The following ADIPOR2 variants were observed in gnomAD, a reference collection of about 807,000 sequenced individuals.
ADIPOR2 encodes adiponectin receptor 2, also known as adiponectin receptor protein 2.
In ADIPOR2, 18 loss-of-function variants were observed where a neutral mutation model predicts 40.9. The ratio of observed to expected loss-of-function variants is 0.44; its 90% CI spans 0.30 to 0.65. ADIPOR2 has a LOEUF of 0.65. Among genes scored for constraint, ADIPOR2 ranks in the 30% least tolerant of loss-of-function variants. The pLI is 0.09. For missense variants in ADIPOR2, 283 were observed against 479.2 expected, an observed-to-expected ratio of 0.59 and a Z score of 3.82; for synonymous variants, 165 against 166.4, an observed-to-expected ratio of 0.99 and a Z score of 0.06.
At chr12:1,748,490 T>C (rs200329357) in intron 1 of ADIPOR2, among the ~76,000 whole-genome samples, 214 of 152,138 alleles carry the variant, frequency 1.4e-3, no homozygotes, top group Admixed American at 2.0e-3. Context: ...CCTTGTGATC[T>C]GCCCACCTCG....
rs537681898 is a variant in ADIPOR2, at chr12:1,728,148, T to C, written c.-86-26110T>C. On this transcript the variant is annotated intron_variant, in intron 1 of 7. Transcript: ENST00000357103. ...TTTTTCTGAGATGAAGTCTCGCTCT[T>C]GTCCCCCAGGCTGGAGTGCAGTGGC... Among the ~76,000 whole-genome samples, 15 of 151,916 alleles carry C rather than the reference T, an allele frequency of 9.9e-5. No homozygotes were observed. The East Asian group carries it at 2.0e-3, about 20-fold the overall frequency.
intron 7 of ADIPOR2, among the ~76,000 whole-genome samples, chr12:1,784,541 A>G (rs1721285438): frequency 6.6e-6 from 1 of 152,184 alleles, no homozygotes; most frequent in South Asian, 2.1e-4. Flanking sequence ...AGGATGATAG[A>G]CCAGATTTTC....
chr12:1,698,915 G>A (rs1418691678), intron 1 of ADIPOR2, among the ~76,000 whole-genome samples: 4 of 152,124 alleles, frequency 2.6e-5, no homozygotes. Context: ...AGCATTTGCA[G>A]TATATTCTAT....
At chr12:1,697,357 C>T (rs1217822842) in intron 1 of ADIPOR2, 1 of 152,372 alleles carries the variant, frequency 6.6e-6, no homozygotes, top group Non-Finnish European at 1.5e-5. Flanking sequence ...TCACTTTATC[C>T]TCAGATTCTG....
chr12:1,711,803 T>C (rs1259439886), intron 1 of ADIPOR2, among the ~76,000 whole-genome samples: 7 of 152,108 alleles, frequency 4.6e-5, no homozygotes, highest in African/African-American at 9.7e-5. Flanking sequence ...CTTTCAGCAG[T>C]GTAAGACTGC....
chr12:1,747,899 G>C (rs1171781929), intron 1 of ADIPOR2, among the ~76,000 whole-genome samples: 2 of 152,088 alleles, frequency 1.3e-5, no homozygotes, highest in Admixed American at 6.5e-5. Context: ...GCATCTGTCT[G>C]GATGTCCTTG....
At chr12:1,723,059 C>G (rs959229337) in intron 1 of ADIPOR2, among the ~76,000 whole-genome samples, 1 of 152,002 alleles carries the variant, frequency 6.6e-6, no homozygotes, top group Non-Finnish European at 1.5e-5. Flanking sequence ...TTAAAATGCC[C>G]CATTATGTCT....
At chr12:1,779,269 A>G (rs1474264439) in intron 4 of ADIPOR2, among the ~76,000 whole-genome samples, 1 of 152,274 alleles carries the variant, frequency 6.6e-6, no homozygotes, top group Non-Finnish European at 1.5e-5. Flanking sequence ...GAAGCAACCC[A>G]GATGTCTATC....
At chr12:1,771,686 G>A (rs1378181807) in intron 2 of ADIPOR2, among the ~76,000 whole-genome samples, 1 of 152,170 alleles carries the variant, frequency 6.6e-6, no homozygotes, top group Non-Finnish European at 1.5e-5. Context: ...TAAAATCTCA[G>A]AATTTCCTTT....
chr12:1,693,867 T>C (rs960692324), intron 1 of ADIPOR2, among the ~76,000 whole-genome samples: 10 of 152,158 alleles, frequency 6.6e-5, no homozygotes, highest in African/African-American at 2.4e-4. Context: ...ATTTCATTAT[T>C]TGTATTTGGA....
intron 1 of ADIPOR2, among the ~76,000 whole-genome samples, chr12:1,713,305 G>A (rs1032012854): frequency 1.3e-5 from 2 of 152,114 alleles, no homozygotes; most frequent in African/African-American, 2.4e-5. Context: ...AGGAATTACT[G>A]CTTCATTGAT....
chr12:1,722,020 AGG>A (rs912957500), intron 1 of ADIPOR2, among the ~76,000 whole-genome samples: 1 of 152,202 alleles, frequency 6.6e-6, no homozygotes, highest in Non-Finnish European at 1.5e-5. Flanking sequence ...GGGCTGTAGC[AGG>A]GGGAACGCCT....
chr12:1,726,198 G>A (rs2094707617), intron 1 of ADIPOR2, among the ~76,000 whole-genome samples: 1 of 151,918 alleles, frequency 6.6e-6, no homozygotes, highest in Non-Finnish European at 1.5e-5. Flanking sequence ...CAATAGAGTT[G>A]GGATTTTTTT....
chr12:1,769,912 C>T (rs1047194453), intron 2 of ADIPOR2, among the ~76,000 whole-genome samples: 1 of 149,094 alleles, frequency 6.7e-6, no homozygotes, highest in Non-Finnish European at 1.5e-5. Flanking sequence ...TTTATCTTTA[C>T]TAAAGTAATT....
At chr12:1,761,059 A>ACTTTATT (rs1363068289) in intron 2 of ADIPOR2, 4 of 152,184 alleles carry the variant, frequency 2.6e-5, no homozygotes, top group African/African-American at 9.7e-5. Flanking sequence ...ATATTGTTAT[A>ACTTTATT]ATTGTTCTAT....
chr12:1,724,234 G>A (rs2094703454), intron 1 of ADIPOR2, among the ~76,000 whole-genome samples: 1 of 152,140 alleles, frequency 6.6e-6, no homozygotes. Flanking sequence ...ACCTGCCTTG[G>A]CCTCCCAAAG....
intron 1 of ADIPOR2, among the ~76,000 whole-genome samples, chr12:1,726,047 C>G (rs2154442329): frequency 6.6e-6 from 1 of 152,250 alleles, no homozygotes; most frequent in South Asian, 2.1e-4. Context: ...TGTTAGATTT[C>G]TAGACCAGAA....
intron 1 of ADIPOR2, among the ~76,000 whole-genome samples, chr12:1,727,282 G>C (rs1026318294): frequency 5.3e-5 from 8 of 152,116 alleles, no homozygotes; most frequent in Admixed American, 5.2e-4. Flanking sequence ...CTGTAGAATA[G>C]ACTTTATTAT....
intron 3 of ADIPOR2, among the ~76,000 whole-genome samples, chr12:1,775,561 TG>T (rs1369895591): frequency 1.1e-4 from 17 of 152,240 alleles, no homozygotes; most frequent in African/African-American, 4.1e-4. Context: ...TTTGTCTGTG[TG>T]GGGTAGCAGA....
Sources: allele counts gnomAD v4.1 joint callset (sites outside exome capture counted in the v4.1 genomes callset), GRCh38; gene constraint gnomAD v4.1.1; transcripts MANE v1.5; gene names NCBI Gene and HGNC (gene_info 2026-07-23, HGNC 2026-07-21).